The following TPRG1 variants were observed in gnomAD, a reference collection of about 807,000 sequenced individuals.
TPRG1 encodes tumor protein p63-regulated gene 1 protein.
Under a neutral mutation model 29.3 loss-of-function variants are expected in TPRG1, and 29 were observed. The ratio of observed to expected loss-of-function variants is 0.99; its 90% confidence interval spans 0.74 to 1.35. TPRG1 has a LOEUF of 1.35. Among genes scored for constraint, TPRG1 ranks in the 40% most tolerant of loss-of-function variants. The probability of loss-of-function intolerance (pLI) is 0.00; values close to 1 mark genes in which losing one functional copy is unlikely to be tolerated. For synonymous variants in TPRG1, 130 were observed against 116.8 expected (o/e 1.11, Z -0.73); for missense variants, 327 against 335.0 (o/e 0.98, Z 0.19).
chr3:189,276,323 A>G (rs923547472), intron 4 of TPRG1, among the ~76,000 whole-genome samples: 2 of 152,178 alleles, frequency 1.3e-5, no homozygotes, highest in Non-Finnish European at 2.9e-5. Context: ...CAGAAGTGGA[A>G]GAGCATTTTA....
At chr3:189,114,818 A>G (rs1342647172) in intron 1 of TPRG1, among the ~76,000 whole-genome samples, 1 of 152,182 alleles carries the variant, frequency 6.6e-6, no homozygotes, top group Non-Finnish European at 1.5e-5. Flanking sequence ...GTGGTATTTA[A>G]GAGTTAAATA....
intron 4 of TPRG1, among the ~76,000 whole-genome samples, chr3:189,046,766 A>G (rs1040000862): frequency 2.0e-5 from 3 of 152,182 alleles, no homozygotes; most frequent in Non-Finnish European, 2.9e-5. Context: ...TTTGCATTAT[A>G]CTTTTCCTAT....
intron 5 of TPRG1, among the ~76,000 whole-genome samples, chr3:189,316,812 A>T (rs2109349364): frequency 6.6e-6 from 1 of 152,334 alleles, no homozygotes; most frequent in South Asian, 2.1e-4. Flanking sequence ...AGGGAAAAGT[A>T]TGTGGCTGGT....
At chr3:189,163,520 T>C (rs1017392212) in intron 5 of TPRG1, among the ~76,000 whole-genome samples, 1 of 152,198 alleles carries the variant, frequency 6.6e-6, no homozygotes, top group African/African-American at 2.4e-5. Context: ...GTTTTGGTTA[T>C]TGTGATGATT....
intron 5 of TPRG1, among the ~76,000 whole-genome samples, chr3:189,157,952 T>A (rs77702065): frequency 0.013 from 2,031 of 152,308 alleles, 41 homozygotes; most frequent in African/African-American, 0.047. Context: ...AAGACTTAAA[T>A]AAATAAGCAA....
At chr3:189,187,253 G>T (rs1731058987) in intron 1 of TPRG1, among the ~76,000 whole-genome samples, 1 of 151,738 alleles carries the variant, frequency 6.6e-6, no homozygotes, top group African/African-American at 2.4e-5. Context: ...CTCCCAAAGT[G>T]CTGGGATTAC....
intron 4 of TPRG1, among the ~76,000 whole-genome samples, chr3:189,263,705 C>T (rs1338662113): frequency 1.3e-5 from 2 of 152,168 alleles, no homozygotes; most frequent in African/African-American, 4.8e-5. Context: ...AGATAATACG[C>T]ATAAATCACC....
rs923039547 is a variant in TPRG1, at chr3:189,293,479, G to C, written c.480-16907G>C. 2.0e-5 allele frequency among the ~76,000 whole-genome samples: 3 copies of C among 152,108 alleles called. No homozygotes were observed. In the East Asian group the frequency reaches 5.8e-4, roughly 29 times the overall value. On this transcript the variant is annotated intron_variant, in intron 4 of 5. Transcript: ENST00000345063. ...ATGGGGAAAGGTGTGGCGGGAAAGG[G>C]AGCAAAAGGTGCCAAGGATAGGTTT...
chr3:189,015,344 A>G (rs1712871896), intron 3 of TPRG1, among the ~76,000 whole-genome samples: 1 of 152,236 alleles, frequency 6.6e-6, no homozygotes, highest in African/African-American at 2.4e-5. Context: ...TGCATTCACA[A>G]AGAGATGGTC....
intron 4 of TPRG1, among the ~76,000 whole-genome samples, chr3:189,149,474 G>A (rs1427038557): frequency 1.3e-5 from 2 of 152,174 alleles, no homozygotes; most frequent in African/African-American, 4.8e-5. Flanking sequence ...GTTCTGTGAA[G>A]ACATGGAGCT....
In TPRG1 at chr3:189,272,729, T is replaced by TTC. The variant is rs1163964126; in HGVS notation, c.479+33821_479+33822dup. 2.9e-3 allele frequency among the ~76,000 whole-genome samples: 427 copies of TTC among 145,988 alleles called. 4 individuals carry two copies. The highest frequency in any genetic ancestry group is 0.011 in the African/African-American group (409 of 36,956). ...TCTTTCTTTCTCCTTCCTTCCTTCC[T>TTC]TCCTTCCTTCCTTCCTTCCTTCGTT... On this transcript the variant is annotated intron_variant, in intron 4 of 5. Coordinates refer to ENST00000345063, the MANE Select transcript of TPRG1 (RefSeq NM_198485.4).
At chr3:189,166,707 A>G (rs551602472) in intron 5 of TPRG1, among the ~76,000 whole-genome samples, 1 of 152,344 alleles carries the variant, frequency 6.6e-6, no homozygotes, top group East Asian at 1.9e-4. Context: ...AATTTTGTCA[A>G]GGTTCTTCTT....
chr3:189,013,743 G>A lies in TPRG1; in HGVS notation c.-660+8983G>A, dbSNP rs9822845. On this transcript the variant is annotated intron_variant, in intron 3 of 10. Transcript: ENST00000433971. ...AAATATTTAGGGTAGTTAGCTCTAT[G>A]CTACATATATATGAACCCTCTACCC... Among the ~76,000 whole-genome samples the A allele has an allele frequency of 2.2e-3, 328 of 152,118 alleles. 2 individuals carry two copies. The highest frequency in any genetic ancestry group is 7.6e-3 in the African/African-American group (317 of 41,518).
In TPRG1 at chr3:189,227,727, A is replaced by AAAT. The variant is rs1186081016; in HGVS notation, c.303-11000_303-10998dup. Among the ~76,000 whole-genome samples, 16 of 152,358 alleles carry AAAT rather than the reference A, an allele frequency of 1.1e-4. No homozygotes were observed. In the South Asian group the frequency reaches 2.9e-3, roughly 28 times the overall value. On this transcript the variant is annotated intron_variant, in intron 3 of 5. Coordinates refer to ENST00000345063, the MANE Select transcript of TPRG1 (RefSeq NM_198485.4). ...GTGTGTGATTTGTAGAAAAATAAAT[A>AAAT]AATAATAAATTAAAAACTGTAAAAC...
chr3:189,045,677 ATAT>A (rs1714931919), intron 4 of TPRG1, among the ~76,000 whole-genome samples: 1 of 152,192 alleles, frequency 6.6e-6, no homozygotes, highest in African/African-American at 2.4e-5. Context: ...ATTGTTACTA[ATAT>A]TATATATTTT....
At chr3:189,172,981 AC>A (rs1227605996) in intron 1 of TPRG1, among the ~76,000 whole-genome samples, 1 of 152,036 alleles carries the variant, frequency 6.6e-6, no homozygotes, top group Non-Finnish European at 1.5e-5. Flanking sequence ...GGGGAAAAAC[AC>A]CCCCAAATCC....
At chr3:189,284,888 T>G (rs1333712407) in intron 4 of TPRG1, among the ~76,000 whole-genome samples, 2 of 152,110 alleles carry the variant, frequency 1.3e-5, no homozygotes, top group Non-Finnish European at 1.5e-5. Context: ...GACAAGGACT[T>G]CATGTCTAAA....
At chr3:189,044,135 T>TAG (rs370524302) in intron 4 of TPRG1, among the ~76,000 whole-genome samples, 169 of 150,826 alleles carry the variant, frequency 1.1e-3, no homozygotes, top group South Asian at 3.6e-3. Context: ...CAAAGAATAG[T>TAG]AGAGAGAGAG....
chr3:189,234,812 G>A (rs115481139), intron 3 of TPRG1, among the ~76,000 whole-genome samples: 1,826 of 152,272 alleles, frequency 0.012, 33 homozygotes, highest in African/African-American at 0.041. Context: ...CTATACAATA[G>A]CATCCAAGGT....
Sources: allele counts gnomAD v4.1 joint callset (sites outside exome capture counted in the v4.1 genomes callset), GRCh38; gene constraint gnomAD v4.1.1; transcripts MANE v1.5; gene names NCBI Gene and HGNC (gene_info 2026-07-23, HGNC 2026-07-21).